ERAP1: variants seen among roughly 807,000 people sequenced by gnomAD.
ERAP1 encodes the protein endoplasmic reticulum aminopeptidase 1, also known as adipocyte-derived leucine aminopeptidase.
Under a neutral mutation model 103.7 loss-of-function variants are expected in ERAP1, and 86 were observed. That is an observed-to-expected ratio of 0.83 (90% CI 0.70 to 0.99). The LOEUF (loss-of-function observed/expected upper bound fraction) is 0.99, where lower values mean the gene tolerates loss of function less well. Ranked by LOEUF, ERAP1 falls within the 50% of genes least tolerant of loss-of-function variation. The pLI is 0.00. For synonymous variants in ERAP1, 398 were observed against 402.4 expected, an observed-to-expected ratio of 0.99 and a Z score of 0.13; for missense variants, 1,009 against 1,128.4, an observed-to-expected ratio of 0.89 and a Z score of 1.52.
the ERAP1 span, among the ~76,000 whole-genome samples, chr5:96,894,159 G>A: frequency 6.6e-6 from 1 of 152,218 alleles, no homozygotes; most frequent in South Asian, 2.1e-4. Context: ...ATGGCATGGT[G>A]CCAGGAACGC....
At chr5:96,829,254 A>G in the ERAP1 span, among the ~76,000 whole-genome samples, 24 of 152,062 alleles carry the variant, frequency 1.6e-4, no homozygotes, top group Non-Finnish European at 2.8e-4. Flanking sequence ...TTGTTTTTTC[A>G]TACTTGTTTT....
At chr5:96,856,387 G>GAGAGAGAT in the ERAP1 span, among the ~76,000 whole-genome samples, 1 of 120,598 alleles carries the variant, frequency 8.3e-6, no homozygotes, top group East Asian at 2.3e-4. Context: ...GAGAGAGAGA[G>GAGAGAGAT]AGAGAGAGCA....
At chr5:96,879,076 G>A in the ERAP1 span, among the ~76,000 whole-genome samples, 6 of 152,082 alleles carry the variant, frequency 3.9e-5, no homozygotes, top group African/African-American at 7.2e-5. Context: ...AAAGGTAGCC[G>A]AGTGTGGCGG....
the ERAP1 span, among the ~76,000 whole-genome samples, chr5:96,912,118 G>C: frequency 2.0e-5 from 3 of 149,756 alleles, no homozygotes; most frequent in Admixed American, 2.0e-4. Context: ...TGAACCCCGG[G>C]GGGCGGAGCC....
At chr5:96,865,871 A>T in the ERAP1 span, among the ~76,000 whole-genome samples, 1 of 152,216 alleles carries the variant, frequency 6.6e-6, no homozygotes, top group East Asian at 1.9e-4. Flanking sequence ...ACTGTCTTCC[A>T]AACCATGTTG....
the ERAP1 span, chr5:96,889,182 C>A: frequency 1.2e-6 from 2 of 1,613,966 alleles, no homozygotes; most frequent in South Asian, 2.2e-5. Context: ...CCACATTTCC[C>A]AGGTGTCCAT....
At chr5:96,903,604 G>C in the ERAP1 span, 1 of 1,514,144 alleles carries the variant, frequency 6.6e-7, no homozygotes, top group Non-Finnish European at 8.9e-7. Flanking sequence ...TAACTGATTC[G>C]TAACCAGATA....
At chr5:96,854,863 G>T in the ERAP1 span, among the ~76,000 whole-genome samples, 1 of 152,074 alleles carries the variant, frequency 6.6e-6, no homozygotes, top group African/African-American at 2.4e-5. Context: ...TACTATCCAA[G>T]GGTAGCCTTT....
chr5:96,813,457 G>A, the ERAP1 span, among the ~76,000 whole-genome samples: 32 of 151,694 alleles, frequency 2.1e-4, no homozygotes, highest in Non-Finnish European at 4.1e-4. Context: ...GATCGAGACC[G>A]TCCTGGCCAA....
chr5:96,902,123 GTC>G, the ERAP1 span: 3 of 573,272 alleles, frequency 5.2e-6, no homozygotes, highest in South Asian at 2.5e-5. Context: ...GGATATGCTA[GTC>G]TTAGCCTATA....
chr5:96,854,941 C>T, the ERAP1 span, among the ~76,000 whole-genome samples: 1 of 152,214 alleles, frequency 6.6e-6, no homozygotes, highest in African/African-American at 2.4e-5. Flanking sequence ...TGAAACTCCC[C>T]AAAGAGCTTA....
the ERAP1 span, among the ~76,000 whole-genome samples, chr5:96,874,188 GAGAA>G: frequency 7.3e-6 from 1 of 136,194 alleles, no homozygotes; most frequent in South Asian, 2.6e-4. Context: ...GAAAGAGAGA[GAGAA>G]AGAAGAAAGA....
At chr5:96,912,167 G>A in the ERAP1 span, among the ~76,000 whole-genome samples, 1 of 146,800 alleles carries the variant, frequency 6.8e-6, no homozygotes, top group Admixed American at 6.8e-5. Context: ...CTCCAGCTTG[G>A]GCGACAGTGA....
chr5:96,883,909 T>G, the ERAP1 span: 2 of 1,611,440 alleles, frequency 1.2e-6, no homozygotes, highest in Non-Finnish European at 1.7e-6. Flanking sequence ...GCAGGCATAT[T>G]GCACTATCCA....
exon 20 of ERAP1, chr5:96,762,296 C>A: frequency 6.2e-7 from 1 of 1,607,220 alleles, no homozygotes. Context: ...GCTAAACTTG[C>A]TGCTGCCATC....
At chr5:96,810,254 A>T (rs1321665998), upstream of ERAP1, among the ~76,000 whole-genome samples, 4 of 152,228 alleles carry the variant, frequency 2.6e-5, no homozygotes, top group Non-Finnish European at 5.9e-5. Flanking sequence ...ACCTTGGAGT[A>T]AGGACTTTAA....
chr5:96,881,580 T>G, the ERAP1 span: 13 of 437,910 alleles, frequency 3.0e-5, no homozygotes, highest in Non-Finnish European at 6.0e-5. Flanking sequence ...CACAGGGGCA[T>G]ATTTTTCTCA....
chr5:96,894,964 C>T, the ERAP1 span, among the ~76,000 whole-genome samples: 4 of 151,724 alleles, frequency 2.6e-5, no homozygotes, highest in Non-Finnish European at 5.9e-5. Flanking sequence ...AATATTAAAT[C>T]TAATAACTAG....
chr5:96,779,149 A>G lies in ERAP1; in HGVS notation c.2670+1274T>C, dbSNP rs532841955. On this transcript the variant is annotated intron_variant, in intron 18 of 18. Coordinates refer to ENST00000443439, the MANE Select transcript of ERAP1 (RefSeq NM_001040458.3). ...GCATGTAACTACTTGACATTGGTTG[A>G]TTTGTCTGTAATTGTCTGATTCCCA... 3.9e-5 allele frequency among the ~76,000 whole-genome samples: 6 copies of G among 152,234 alleles called. No individual in the cohort carries two copies. The South Asian group carries it at 1.2e-3, about 32-fold the overall frequency.
Sources: gnomAD v4.1 joint callset for allele counts (sites outside exome capture counted in the v4.1 genomes callset) on GRCh38, gnomAD v4.1.1 for gene constraint, MANE v1.5 for transcripts, NCBI Gene and HGNC (gene_info 2026-07-23, HGNC 2026-07-21) for gene names.